ATP12A: variants seen among roughly 807,000 people sequenced by gnomAD.
ATP12A encodes potassium-transporting ATPase alpha chain 2.
In ATP12A, 81 loss-of-function variants were observed where a neutral mutation model predicts 111.2. That is an observed-to-expected ratio of 0.73 (90% CI 0.61 to 0.88). The LOEUF is 0.88. Ranked by LOEUF, ATP12A falls within the 40% of genes least tolerant of loss-of-function variation. The probability of loss-of-function intolerance (pLI) is 0.00; values close to 1 mark genes in which losing one functional copy is unlikely to be tolerated. For synonymous variants in ATP12A, 498 were observed against 499.8 expected, an observed-to-expected ratio of 1.00 and a Z score of 0.05; for missense variants, 1,196 against 1,313.1, an observed-to-expected ratio of 0.91 and a Z score of 1.38.
chr13:24,686,788 AAG>A (rs1874689123), intron 3 of ATP12A, among the ~76,000 whole-genome samples: 4 of 151,514 alleles, frequency 2.6e-5, no homozygotes, highest in Admixed American at 2.6e-4. Context: ...GAAAGAAAGA[AAG>A]AAATTGCAGA....
chr13:24,688,587 A>G, intron 4 of ATP12A, 65 bp downstream of exon 4: 1 of 1,430,090 alleles, frequency 7.0e-7, no homozygotes, highest in East Asian at 2.4e-5. Context: ...CCTTGGGGGC[A>G]CAGCTGGGGG....
intron 3 of ATP12A, among the ~76,000 whole-genome samples, chr13:24,686,991 CG>C (rs1874697868): frequency 6.6e-6 from 1 of 151,966 alleles, no homozygotes; most frequent in Non-Finnish European, 1.5e-5. Flanking sequence ...GAAGTCTCTC[CG>C]GAACACCCCT....
At chr13:24,680,847 G>C in intron 1 of ATP12A, 95 bp downstream of exon 1, 1 of 1,399,966 alleles carries the variant, frequency 7.1e-7, no homozygotes, top group Non-Finnish European at 9.2e-7. Flanking sequence ...AAAAGGCGAA[G>C]AGGAGAAACG....
Position 24,700,905 on chromosome 13 carries a change from CG to C in ATP12A, c.1866del (p.Ser623ValfsTer58). 6.2e-7 allele frequency: 1 copy of C among 1,614,074 alleles called. No individual in the cohort carries two copies. The highest frequency in any genetic ancestry group is 1.1e-5 in the South Asian group (1 of 91,056). On this transcript the variant is annotated frameshift_variant, in exon 13 of 23. Transcript: ENST00000381946. LOFTEE classifies it high-confidence loss of function. ...STVPDAVTKC[R>X]SAGIKVIMVT... is the part of the protein sequence containing the mutation. ...CGTGCCAGATGCAGTCACCAAATGCCGGAGTGCAGGGATCAAGGTGGGAGTT... is the reference window on the plus strand; with the variant it reads ...CGTGCCAGATGCAGTCACCAAATGCCGAGTGCAGGGATCAAGGTGGGAGTT...
At chr13:24,705,188 A>C (rs1279886163) in intron 14 of ATP12A, among the ~76,000 whole-genome samples, 2 of 152,226 alleles carry the variant, frequency 1.3e-5, no homozygotes, top group South Asian at 2.1e-4. Flanking sequence ...TTGAAGGCTG[A>C]AATGTAGTGT....
In ATP12A at chr13:24,707,052, A is replaced by G. The variant is rs752601776; in HGVS notation, c.2199A>G (p.Gly733=). 3.7e-6 allele frequency: 6 copies of G among 1,611,606 alleles called. No individual in the cohort carries two copies. The African/African-American group carries it at 8.0e-5, about 22-fold the overall frequency. ...QDAVVAVTGD[G]VNDSPALKKA... Reference sequence around the variant, plus strand: ...CTGTTGTTGCTGTGACCGGGGATGGAGTTAATGACTCTCCGGCTCTAAAGA... The same window carrying G: ...CTGTTGTTGCTGTGACCGGGGATGGGGTTAATGACTCTCCGGCTCTAAAGA... Residue 733 remains glycine (G), a synonymous_variant, in exon 16 of 23, where the codon GGA becomes GGG. Transcript: ENST00000381946.
In ATP12A at chr13:24,685,382, T is replaced by C. The variant is rs770041077; in HGVS notation, c.228+9T>C. On this transcript the variant is annotated intron_variant, in intron 3 of 22. Coordinates refer to ENST00000381946, the MANE Select transcript of ATP12A (RefSeq NM_001676.7). The surrounding 1 kb of genome is among the most constrained non-coding windows in gnomAD (Gnocchi z 5.5). The stretch of plus-strand genomic sequence containing the variant: ...GCACAGACATCATTATGGTGAGTCG[T>C]GGGAACCAGGGATTTGGAAGAGAAG... 5 of 1,613,572 alleles carry C rather than the reference T, an allele frequency of 3.1e-6. No individual in the cohort carries two copies. The highest frequency in any genetic ancestry group is 4.2e-6 in the Non-Finnish European group (5 of 1,179,684).
chr13:24,706,331 G>A lies in ATP12A; in HGVS notation c.2037G>A (p.Val679=), dbSNP rs999151942. Residue 679 remains valine, a synonymous_variant, in exon 15 of 23, where the codon GTG becomes GTA. Transcript: ENST00000381946. ...QVNKRDAKAA[V]VTGMELKDMS... ...CTTCTAGGGATGCCAAGGCCGCTGT[G>A]GTGACTGGCATGGAGCTGAAGGACA... 1 of 1,614,008 alleles carries A rather than the reference G, an allele frequency of 6.2e-7. No individual in the cohort carries two copies. Among genetic ancestry groups the A allele is most frequent in the Non-Finnish European group, 8.5e-7 (1 of 1,179,984 alleles).
Position 24,711,696 on chromosome 13 carries a change from C to A in ATP12A, c.*174C>A. 2.5e-6 allele frequency: 2 copies of A among 796,314 alleles called. No individual in the cohort carries two copies. Among genetic ancestry groups the A allele is most frequent in the Non-Finnish European group, 3.9e-6 (2 of 506,626 alleles). 49.3% of individuals were successfully genotyped at this position (796,314 alleles called of 1,614,324 possible). ...CTCACTGATGTTTTGCACTTTAAAA[C>A]TGAAATTCAACTCTTTATATAGGAT... On this transcript the variant is annotated 3_prime_UTR_variant, in exon 23 of 23. Transcript: ENST00000381946.
Position 24,690,225 on chromosome 13 carries a change from G to A in ATP12A, c.547-113G>A, listed in dbSNP as rs1874820250. 3 of 1,494,824 alleles carry A rather than the reference G, an allele frequency of 2.0e-6. No homozygotes were observed. The South Asian group carries it at 3.8e-5, about 19-fold the overall frequency. 92.6% of individuals were successfully genotyped at this position (1,494,824 alleles called of 1,614,324 possible). ...CATAACAGCATGGACTCAACAGTGAGAGTGATCAGGAAGTTCCAAGGCCTC... is the reference window on the plus strand; with the variant it reads ...CATAACAGCATGGACTCAACAGTGAAAGTGATCAGGAAGTTCCAAGGCCTC... On this transcript the variant is annotated intron_variant, in intron 5 of 22. Coordinates refer to ENST00000381946, the MANE Select transcript of ATP12A (RefSeq NM_001676.7).
chr13:24,680,786 A>G (rs1336172297), intron 1 of ATP12A, 34 bp downstream of exon 1: 1 of 1,479,870 alleles, frequency 6.8e-7, no homozygotes, highest in Admixed American at 2.3e-5. Context: ...CGAGGATGCG[A>G]GACGCTGGGC....
Position 24,681,601 on chromosome 13 carries a change from A to G in ATP12A, c.49A>G (p.Lys17Glu). The G allele has an allele frequency of 1.2e-6, 2 of 1,614,200 alleles. No homozygotes were observed. The highest frequency in any genetic ancestry group is 2.2e-5 in the South Asian group (2 of 91,078). ...TTACTCCGTGGAGCTCAGCGGAACT[A>G]AGGACATCGTGAAAACAGACAAGGG... is the stretch of plus-strand genomic sequence containing the variant. ...EIYSVELSGT[K>E]DIVKTDKGDG... Residue 17 changes from lysine (K) to glutamate (E), a missense_variant, in exon 2 of 23, where the codon AAG (lysine) becomes GAG (glutamate). This residue lies in a region of ATP12A where 67 missense variants were observed against 64.0 expected (regional missense o/e 1.05). Transcript: ENST00000381946.
At chr13:24,706,943 G>A (rs1164072618) in intron 15 of ATP12A, 80 bp from the exon 16 acceptor site, 15 of 1,442,528 alleles carry the variant, frequency 1.0e-5, no homozygotes, top group Middle Eastern at 1.8e-4. Flanking sequence ...CAAGAGAAAG[G>A]GAAGTCTTGT....
intron 8 of ATP12A, among the ~76,000 whole-genome samples, chr13:24,691,819 T>A (rs548612548): frequency 1.3e-5 from 2 of 152,252 alleles, no homozygotes; most frequent in South Asian, 2.1e-4. Flanking sequence ...TTTCCAGTTT[T>A]GTGACTACAT....
At position 24,706,558 on chromosome 13, in the gene ATP12A, T is replaced by G. The variant is rs1289209239; in HGVS notation, c.2169+95T>G. On this transcript the variant is annotated intron_variant, in intron 15 of 22. Coordinates refer to ENST00000381946, the MANE Select transcript of ATP12A (RefSeq NM_001676.7). ...ATCTCACATCAGGCTGTGGTGCCTT[T>G]GAAACTTCAAGAGAGAGTTCTTGGC... The G allele has an allele frequency of 3.4e-6, 5 of 1,491,040 alleles. No homozygotes were observed. In the East Asian group the frequency reaches 1.2e-4, roughly 36 times the overall value. 92.4% of individuals were successfully genotyped at this position (1,491,040 alleles called of 1,614,324 possible).
Position 24,696,379 on chromosome 13 carries a change from G to A in ATP12A, c.1512+1801G>A, listed in dbSNP as rs112657627. Among the ~76,000 whole-genome samples the A allele has an allele frequency of 7.9e-3, 1,196 of 152,108 alleles. 17 individuals carry two copies. The highest frequency in any genetic ancestry group is 0.013 in the Non-Finnish European group (894 of 67,952). Reference sequence around the variant, plus strand: ...TCCATGAGGCCTCATGTACAAGTTGGAGGAGAAAGTGGCTACACAGAGTGG... The same window carrying A: ...TCCATGAGGCCTCATGTACAAGTTGAAGGAGAAAGTGGCTACACAGAGTGG... On this transcript the variant is annotated intron_variant, in intron 11 of 22. Transcript: ENST00000381946.
At chr13:24,710,115 A>C (rs1279494899) in intron 19 of ATP12A, among the ~76,000 whole-genome samples, 1 of 152,088 alleles carries the variant, frequency 6.6e-6, no homozygotes, top group African/African-American at 2.4e-5. Context: ...ATAAATTTAC[A>C]TCTTTCAGGC....
intron 15 of ATP12A, 111 bp from the exon 16 acceptor site, chr13:24,706,912 C>A: frequency 8.0e-7 from 1 of 1,245,668 alleles, no homozygotes; most frequent in Non-Finnish European, 1.1e-6. Context: ...TTCCGTTCAG[C>A]TATAATCATC....
rs1252840606 is a variant in ATP12A at position 24,689,472 on chromosome 13, A to C, written c.546+97A>C. The stretch of plus-strand genomic sequence containing the variant: ...AGGGCCCTGAGGGCTACGGGTTTCC[A>C]CTTCCTTCCCTGTCGGAGCAATCGT... On this transcript the variant is annotated intron_variant, in intron 5 of 22. Coordinates refer to ENST00000381946, the MANE Select transcript of ATP12A (RefSeq NM_001676.7). 3 of 1,029,800 alleles carry C rather than the reference A, an allele frequency of 2.9e-6. No individual in the cohort carries two copies. The African/African-American group carries it at 4.8e-5, about 16-fold the overall frequency. 63.8% of individuals were successfully genotyped at this position (1,029,800 alleles called of 1,614,324 possible).
Sources: gnomAD v4.1 joint callset for allele counts (sites outside exome capture counted in the v4.1 genomes callset) on GRCh38, gnomAD v4.1.1 for gene constraint, gnomAD v4.1.1 regional missense constraint, Gnocchi (gnomAD v3.1) non-coding constraint, MANE v1.5 for transcripts, NCBI Gene and HGNC (gene_info 2026-07-23, HGNC 2026-07-21) for gene names.